Variants in DHRS12 observed in about 807,000 individuals in gnomAD.
DHRS12 encodes dehydrogenase/reductase SDR family member 12.
DHRS12 carries 29 observed loss-of-function variants against 32.1 expected under a neutral mutation model. The ratio of observed to expected loss-of-function variants is 0.90; its 90% CI spans 0.67 to 1.23. DHRS12 has a LOEUF of 1.23. Among genes scored for constraint, DHRS12 ranks in the 50% most tolerant of loss-of-function variants. DHRS12 has a pLI of 0.00. For synonymous variants in DHRS12, 150 were observed against 135.9 expected, an observed-to-expected ratio of 1.10 and a Z score of -0.72; for missense variants, 330 against 337.2, an observed-to-expected ratio of 0.98 and a Z score of 0.17.
At chr13:51,766,597 C>T (rs1953757933), downstream of DHRS12, 1 of 152,190 alleles carries the variant, frequency 6.6e-6, no homozygotes, top group African/African-American at 2.4e-5. Context: ...TGGTAATGAG[C>T]AAGAATTTCC....
chr13:51,770,715 C>A (rs1953969426), intron 7 of DHRS12: 1 of 985,530 alleles, frequency 1.0e-6, no homozygotes, highest in Non-Finnish European at 1.2e-6. Context: ...CACAAAGCAC[C>A]AACACACACC....
chr13:51,786,885 A>G (rs1338777608), intron 4 of DHRS12, among the ~76,000 whole-genome samples: 5 of 152,206 alleles, frequency 3.3e-5, no homozygotes, highest in African/African-American at 7.2e-5. Context: ...CCCACATTAC[A>G]TAATCAGGCC....
intron 6 of DHRS12, among the ~76,000 whole-genome samples, 182 bp from the exon 7 acceptor site, chr13:51,772,093 G>A (rs751807969): frequency 6.6e-5 from 10 of 152,054 alleles, no homozygotes; most frequent in Non-Finnish European, 1.5e-4. Context: ...GGACCTAGCA[G>A]GTCCTACCCA....
At chr13:51,789,561 T>C (rs1593549127) in intron 4 of DHRS12, 2 of 985,304 alleles carry the variant, frequency 2.0e-6, no homozygotes, top group East Asian at 2.3e-4. Flanking sequence ...TGATATAAAA[T>C]GACTTCACTC....
intron 4 of DHRS12, among the ~76,000 whole-genome samples, chr13:51,778,409 G>C (rs557900145): frequency 6.6e-6 from 1 of 152,170 alleles, no homozygotes; most frequent in African/African-American, 2.4e-5. Flanking sequence ...TGCCTTGTTC[G>C]TATTTGTGGA....
At chr13:51,769,409 CCTT>C (rs1333291715) in intron 7 of DHRS12, 116 bp from the exon 8 acceptor site, 3 of 908,384 alleles carry the variant, frequency 3.3e-6, no homozygotes, top group East Asian at 6.0e-5. Context: ...ATAAACTGCT[CCTT>C]CTATTTTATA....
chr13:51,759,968 T>C, the DHRS12 span: 8 of 534,230 alleles, frequency 1.5e-5, no homozygotes, highest in Non-Finnish European at 2.0e-5. Context: ...AACTTGTTCA[T>C]ACAATATAAA....
At chr13:51,776,090 A>ATGGTTCTGGAG (rs1566281386) in intron 5 of DHRS12, 9 of 86,084 alleles carry the variant, frequency 1.0e-4, no homozygotes, top group East Asian at 4.2e-4. Context: ...GTATTCTCCT[A>ATGGTTCTGGAG]CATGTATTCT....
chr13:51,802,890 GA>G (rs1566314541), intron 1 of DHRS12, among the ~76,000 whole-genome samples: 1 of 150,612 alleles, frequency 6.6e-6, no homozygotes, highest in Non-Finnish European at 1.5e-5. Context: ...AAATCAGAGC[GA>G]AAGAGTCCTG....
intron 2 of DHRS12, among the ~76,000 whole-genome samples, chr13:51,794,594 C>T (rs1955428112): frequency 6.6e-6 from 1 of 152,142 alleles, no homozygotes; most frequent in Admixed American, 6.5e-5. Flanking sequence ...AACCTTCCAG[C>T]CACATCAGGA....
At chr13:51,779,233 C>G (rs1351658946) in intron 4 of DHRS12, among the ~76,000 whole-genome samples, 2 of 152,166 alleles carry the variant, frequency 1.3e-5, no homozygotes, top group African/African-American at 4.8e-5. Flanking sequence ...TCTCCTGCCC[C>G]CAAAGTCCTT....
At chr13:51,794,121 G>T (rs1955402594) in intron 2 of DHRS12, among the ~76,000 whole-genome samples, 1 of 152,300 alleles carries the variant, frequency 6.6e-6, no homozygotes, top group Non-Finnish European at 1.5e-5. Context: ...GAAGGAACTG[G>T]AAACAGGTGC....
At chr13:51,773,865 T>C in intron 6 of DHRS12, 65 bp downstream of exon 6, 1 of 1,374,334 alleles carries the variant, frequency 7.3e-7, no homozygotes, top group Non-Finnish European at 1.0e-6. Flanking sequence ...GAGTAAGCTT[T>C]CCTTGGAAAA....
intron 4 of DHRS12, among the ~76,000 whole-genome samples, chr13:51,787,167 T>C (rs1226770742): frequency 2.0e-5 from 3 of 152,122 alleles, no homozygotes; most frequent in South Asian, 2.1e-4. Flanking sequence ...GAATAATCAG[T>C]AAGATGTTTC....
intron 2 of DHRS12, chr13:51,797,948 G>A (rs1955583217): frequency 6.6e-7 from 1 of 1,525,798 alleles, no homozygotes; most frequent in Non-Finnish European, 8.8e-7. Flanking sequence ...GTTACAGCGA[G>A]AGCTACAGAA....
chr13:51,800,395 A>G (rs1351498860), intron 1 of DHRS12, among the ~76,000 whole-genome samples: 1 of 152,152 alleles, frequency 6.6e-6, no homozygotes, highest in Non-Finnish European at 1.5e-5. Flanking sequence ...ATACCTCTCT[A>G]CCTTTACTCT....
chr13:51,768,778 A>G, intron 8 of DHRS12: 2 of 1,163,632 alleles, frequency 1.7e-6, no homozygotes, highest in Non-Finnish European at 2.1e-6. Context: ...AGAGAAGCAG[A>G]GTCCCTTACA....
chr13:51,780,411 A>G (rs1240352947), intron 4 of DHRS12, among the ~76,000 whole-genome samples: 2 of 152,198 alleles, frequency 1.3e-5, no homozygotes, highest in African/African-American at 4.8e-5. Context: ...ACGGGAGGGC[A>G]GGCCTGGGAG....
At chr13:51,771,939 C>T in intron 6 of DHRS12, 28 bp from the exon 7 acceptor site, 1 of 1,611,762 alleles carries the variant, frequency 6.2e-7, no homozygotes, top group Non-Finnish European at 8.5e-7. Context: ...AGGGGGTGAA[C>T]AGGAGAGAGG....
Sources: allele counts gnomAD v4.1 joint callset (sites outside exome capture counted in the v4.1 genomes callset), GRCh38; gene constraint gnomAD v4.1.1; transcripts MANE v1.5; gene names NCBI Gene and HGNC (gene_info 2026-07-23, HGNC 2026-07-21).